The following ZNF460 variants were observed in gnomAD, a reference collection of about 807,000 sequenced individuals.
ZNF460 encodes zinc finger protein 460.
ZNF460 carries 1 observed loss-of-function variant against 8.4 expected under a neutral mutation model. The ratio of observed to expected loss-of-function variants is 0.12; its 90% CI spans 0.04 to 0.56. The LOEUF is 0.56. Ranked by LOEUF, ZNF460 falls within the 20% of genes least tolerant of loss-of-function variation. The pLI, the probability that ZNF460 is intolerant of heterozygous loss-of-function variation, is 0.91. For missense variants in ZNF460, 477 were observed against 714.8 expected (o/e 0.67, Z 3.79); for synonymous variants, 262 against 259.9 (o/e 1.01, Z -0.08).
chr19:57,282,895 G>T (rs543365551), intron 1 of ZNF460, among the ~76,000 whole-genome samples: 17 of 152,186 alleles, frequency 1.1e-4, no homozygotes, highest in African/African-American at 3.6e-4. Flanking sequence ...GGAGGCTGAG[G>T]TGGGAGGATC....
In ZNF460 at chr19:57,292,109, CCAT is replaced by C. The variant is rs750663169; in HGVS notation, c.1573_1575del (p.Ile525del). 3 of 1,614,060 alleles carry C rather than the reference CCAT, an allele frequency of 1.9e-6. No individual in the cohort carries two copies. The highest frequency in any genetic ancestry group is 2.5e-6 in the Non-Finnish European group (3 of 1,180,042). On this transcript the variant is annotated inframe_deletion, in exon 3 of 3. Transcript: ENST00000360338. ...GAGAGCACAGATCTCATTCAACACT[CCAT>C]CATCCACACTGAGAGTAGCCCAGTG...
chr19:57,280,650 C>T lies in ZNF460; in HGVS notation c.-157C>T. 2.7e-6 allele frequency: 3 copies of T among 1,106,588 alleles called. No homozygotes were observed. The highest frequency in any genetic ancestry group is 3.8e-6 in the Non-Finnish European group (3 of 790,302). The allele number at this position is 1,106,588 out of a possible 1,614,324, so 68.5% of individuals were successfully genotyped here. A position where few individuals can be genotyped will look rare whatever the true frequency, so the allele number is the denominator to read the frequency against. ...GCGCCCGCCGAGGCCTAGGCCTCCG[C>T]AGCCGCCCTCCGTCTCCTCAGCCCC... is the stretch of plus-strand genomic sequence containing the variant. On this transcript the variant is annotated 5_prime_UTR_variant, in exon 1 of 3. Coordinates refer to ENST00000360338, the MANE Select transcript of ZNF460 (RefSeq NM_006635.4).
In ZNF460 at chr19:57,291,085, T is replaced by A. The variant is rs2087914291; in HGVS notation, c.544T>A (p.Phe182Ile). The change falls in exon 3 of 3, where the codon TTC becomes ATC. Residue 182 changes from phenylalanine to isoleucine, a missense_variant. Phe to Ile is a conservative substitution (Grantham distance 21, BLOSUM62 0). Coordinates refer to ENST00000360338, the MANE Select transcript of ZNF460 (RefSeq NM_006635.4). The surrounding 1 kb of genome is among the most constrained non-coding windows in gnomAD (Gnocchi z 8.4). ...CGAGGAAATGTTTAATGAGAATTGC[T>A]TCCTTGTTCAGCATGAGCAGATTCT... Reference protein sequence around the residue: ...KFEEMFNENCFLVQHEQILPR... With the variant: ...KFEEMFNENCILVQHEQILPR... The A allele has an allele frequency of 6.2e-7, 1 of 1,614,120 alleles. No individual in the cohort carries two copies. The highest frequency in any genetic ancestry group is 8.5e-7 in the Non-Finnish European group (1 of 1,180,056).
chr19:57,284,813 ATTTTTT>A (rs755694218), intron 2 of ZNF460, 136 bp downstream of exon 2: 40 of 633,762 alleles, frequency 6.3e-5, no homozygotes, highest in Middle Eastern at 5.3e-4. Flanking sequence ...GCTTTACTCT[ATTTTTT>A]TTTTTTTTTT....
chr19:57,290,617 T>A, intron 2 of ZNF460, 82 bp from the exon 3 acceptor site: 1 of 1,295,198 alleles, frequency 7.7e-7, no homozygotes, highest in Non-Finnish European at 1.1e-6. Context: ...ACTATTTTCA[T>A]CTTATTGTTC....
At chr19:57,289,021 T>G (rs200800476) in intron 2 of ZNF460, among the ~76,000 whole-genome samples, 32,947 of 151,758 alleles carry the variant, frequency 0.22, 4,171 homozygotes, top group Admixed American at 0.26. Context: ...TTTTCTAGTA[T>G]TTTCAGGTTA....
rs775297202 is a variant in ZNF460 at position 57,291,254 on chromosome 19, A to C, written c.713A>C (p.His238Pro). ...GGGAAAGACTTCAACCGCAGGTCAC[A>C]CCTCACACGGCACCAGCGGACTCAC... ...ECGKDFNRRS[H>P]LTRHQRTHNG... Residue 238 changes from histidine (H) to proline (P), a missense_variant, in exon 3 of 3, where the codon CAC (histidine) becomes CCC (proline). Physicochemically the swap from His to Pro is moderately conservative, Grantham distance 77. This residue lies in a region of ZNF460 where 193 missense variants were observed against 391.7 expected (regional missense o/e 0.49). Transcript: ENST00000360338. The surrounding 1 kb of genome is among the most constrained non-coding windows in gnomAD (Gnocchi z 8.4). 6.2e-7 allele frequency: 1 copy of C among 1,613,882 alleles called. No individual in the cohort carries two copies. The highest frequency in any genetic ancestry group is 1.1e-5 in the South Asian group (1 of 91,064).
At chr19:57,284,510 A>G (rs773223265) in intron 1 of ZNF460, 41 bp from the exon 2 acceptor site, 1 of 1,599,952 alleles carries the variant, frequency 6.3e-7, no homozygotes, top group Non-Finnish European at 8.5e-7. Context: ...CCTATTCCAC[A>G]GTTGCAAAGG....
At chr19:57,284,743 C>T (rs2087866866) in intron 2 of ZNF460, 66 bp downstream of exon 2, 3 of 1,495,528 alleles carry the variant, frequency 2.0e-6, no homozygotes, top group African/African-American at 2.8e-5. Flanking sequence ...TAGCCTTCAT[C>T]CTGGCTCCAG....
chr19:57,285,393 G>A lies in ZNF460; in HGVS notation c.157+716G>A, dbSNP rs554837749. On this transcript the variant is annotated intron_variant, in intron 2 of 2. Coordinates refer to ENST00000360338, the MANE Select transcript of ZNF460 (RefSeq NM_006635.4). ...GCTCAGCTATTGTGTGGAACGAAGT[G>A]ACCGTCTAGTCTTGTTCTCTGAGGC... Among the ~76,000 whole-genome samples, 4 of 152,220 alleles carry A rather than the reference G, an allele frequency of 2.6e-5. No homozygotes were observed. The South Asian group carries it at 8.3e-4, about 32-fold the overall frequency.
intron 1 of ZNF460, among the ~76,000 whole-genome samples, chr19:57,284,054 T>C (rs776737671): frequency 2.6e-5 from 4 of 152,218 alleles, no homozygotes; most frequent in Non-Finnish European, 4.4e-5. Flanking sequence ...TTATTGTTGC[T>C]GGTGGTGATG....
rs1455845660 is a variant in ZNF460, at chr19:57,293,256, GTAAGT to G, written c.*1030_*1034del. On this transcript the variant is annotated 3_prime_UTR_variant, in exon 3 of 3. Coordinates refer to ENST00000360338, the MANE Select transcript of ZNF460 (RefSeq NM_006635.4). ...AAATGAAATAAGACATGTAGCTAAA[GTAAGT>G]TAAAAGATTATGATAAACTCAGAAA... is the stretch of plus-strand genomic sequence containing the variant. The G allele has an allele frequency of 2.6e-5, 4 of 152,144 alleles. No individual in the cohort carries two copies. The highest frequency in any genetic ancestry group is 9.7e-5 in the African/African-American group (4 of 41,420). 9.4% of individuals were successfully genotyped at this position (152,144 alleles called of 1,614,324 possible).
At position 57,290,138 on chromosome 19, in the gene ZNF460, T is replaced by TAA. The variant is rs144640986; in HGVS notation, c.158-553_158-552dup. On this transcript the variant is annotated intron_variant, in intron 2 of 2. Coordinates refer to ENST00000360338, the MANE Select transcript of ZNF460 (RefSeq NM_006635.4). ...CTAGGCAACAGAGTGAAATTCCATC[T>TAA]AAAAAAAAATAAACAAAAAAAAGCC... 3.3e-5 allele frequency among the ~76,000 whole-genome samples: 5 copies of TAA among 150,540 alleles called. No individual in the cohort carries two copies. In the South Asian group the frequency reaches 1.0e-3, roughly 32 times the overall value.
rs2087829098 is a variant in ZNF460, at chr19:57,280,520, G to T, written c.-287G>T. 1 of 506,304 alleles carries T rather than the reference G, an allele frequency of 2.0e-6. No homozygotes were observed. Among genetic ancestry groups the T allele is most frequent in the Non-Finnish European group, 3.6e-6 (1 of 280,498 alleles). 31.4% of individuals were successfully genotyped at this position (506,304 alleles called of 1,614,324 possible). On this transcript the variant is annotated 5_prime_UTR_variant, in exon 1 of 3. Coordinates refer to ENST00000360338, the MANE Select transcript of ZNF460 (RefSeq NM_006635.4). Reference sequence around the variant, plus strand: ...GGGGCCTAGAGCGCTGGGTGGGCGCGTTCTGCGGCCTGAGCAGGGACGGGT... The same window carrying T: ...GGGGCCTAGAGCGCTGGGTGGGCGCTTTCTGCGGCCTGAGCAGGGACGGGT...
chr19:57,285,749 G>A (rs1016552289), intron 2 of ZNF460, among the ~76,000 whole-genome samples: 3 of 152,142 alleles, frequency 2.0e-5, no homozygotes, highest in African/African-American at 4.8e-5. Context: ...ATGTCGAAGC[G>A]TGGAGTCACC....
chr19:57,280,927 T>C, intron 1 of ZNF460, 91 bp downstream of exon 1: 1 of 1,556,602 alleles, frequency 6.4e-7, no homozygotes, highest in Non-Finnish European at 8.8e-7. Context: ...ACAGGATTTT[T>C]CTTTGTCGCC....
chr19:57,289,884 T>C (rs571400248), intron 2 of ZNF460, among the ~76,000 whole-genome samples: 25 of 151,994 alleles, frequency 1.6e-4, no homozygotes, highest in Non-Finnish European at 3.2e-4. Flanking sequence ...CTCACACCTG[T>C]AATTCTAGCA....
intron 1 of ZNF460, among the ~76,000 whole-genome samples, chr19:57,281,149 T>C (rs1051831552): frequency 1.3e-5 from 2 of 152,150 alleles, no homozygotes; most frequent in Admixed American, 1.3e-4. Flanking sequence ...CCTTGTCTGT[T>C]TGCATTTTTC....
Position 57,292,036 on chromosome 19 carries a change from A to T in ZNF460, c.1495A>T (p.Thr499Ser), listed in dbSNP as rs751066834. The T allele has an allele frequency of 6.2e-7, 1 of 1,614,214 alleles. No homozygotes were observed. Among genetic ancestry groups the T allele is most frequent in the Admixed American group, 1.7e-5 (1 of 60,024 alleles). The change falls in exon 3 of 3, where the codon ACT becomes TCT. Residue 499 changes from threonine (T) to serine (S), a missense_variant. Around this residue, in one of 5 missense-constraint regions of ZNF460, gnomAD observed 83 missense variants for 82.3 expected, o/e 1.01. Coordinates refer to ENST00000360338, the MANE Select transcript of ZNF460 (RefSeq NM_006635.4). Reference sequence around the variant, plus strand: ...CCTCACAAGGCACCAGCGGATTCACACTGCAGAGAAGTCCCACGAACCCAT... The same window carrying T: ...CCTCACAAGGCACCAGCGGATTCACTCTGCAGAGAAGTCCCACGAACCCAT... ...SPLTRHQRIH[T>S]AEKSHEPIQS... is the part of the protein sequence containing the mutation.
Sources: allele counts gnomAD v4.1 joint callset (sites outside exome capture counted in the v4.1 genomes callset), GRCh38; gene constraint gnomAD v4.1.1; regional missense constraint gnomAD v4.1.1; non-coding constraint Gnocchi (gnomAD v3.1); transcripts MANE v1.5; gene names NCBI Gene and HGNC (gene_info 2026-07-23, HGNC 2026-07-21).